Variants in TXNDC12 observed in about 807,000 individuals in gnomAD.
The protein encoded by TXNDC12 is thioredoxin domain containing 12, also known as thioredoxin domain-containing protein 12.
TXNDC12 carries 22 observed loss-of-function variants against 24.2 expected under a neutral mutation model. The ratio of observed to expected loss-of-function variants is 0.91; its 90% CI spans 0.65 to 1.30. The LOEUF (loss-of-function observed/expected upper bound fraction) is 1.30, where lower values mean the gene tolerates loss of function less well. TXNDC12 is among the 50% of genes most tolerant of loss of function. The probability of loss-of-function intolerance (pLI) is 0.00; values close to 1 mark genes in which losing one functional copy is unlikely to be tolerated. For synonymous variants in TXNDC12, 58 were observed against 73.4 expected (o/e 0.79, Z 1.07); for missense variants, 184 against 205.8 (o/e 0.89, Z 0.65).
At chr1:52,034,139 C>T (rs1685839357) in intron 2 of TXNDC12, 1 of 986,398 alleles carries the variant, frequency 1.0e-6, no homozygotes, top group Non-Finnish European at 1.3e-6. Context: ...TTCATTCCTC[C>T]TCTTAAACCT....
At chr1:52,033,841 A>G in intron 2 of TXNDC12, 1 of 1,462,874 alleles carries the variant, frequency 6.8e-7, no homozygotes, top group Non-Finnish European at 9.0e-7. Flanking sequence ...CCGGAAGTGC[A>G]AACTGCTCTT....
At chr1:52,049,838 T>C (rs1398443914) in intron 1 of TXNDC12, among the ~76,000 whole-genome samples, 2 of 152,168 alleles carry the variant, frequency 1.3e-5, no homozygotes, top group African/African-American at 4.8e-5. Context: ...GCACCCAGCC[T>C]AAGTGCTTAT....
At chr1:52,042,618 G>A (rs933745350) in intron 1 of TXNDC12, among the ~76,000 whole-genome samples, 5 of 151,834 alleles carry the variant, frequency 3.3e-5, no homozygotes, top group Admixed American at 6.6e-5. Flanking sequence ...CTGCCACCAC[G>A]ACTGGCTAAT....
chr1:52,052,680 T>C (rs1302441578), intron 1 of TXNDC12: 1 of 152,956 alleles, frequency 6.5e-6, no homozygotes, highest in Non-Finnish European at 1.5e-5. Context: ...AAATGATTTC[T>C]TCATGCCCAC....
intron 6 of TXNDC12, 76 bp downstream of exon 6, chr1:52,023,415 C>T (rs1233004452): frequency 2.6e-5 from 31 of 1,201,770 alleles, no homozygotes; most frequent in Non-Finnish European, 3.4e-5. Context: ...AATTTACTTT[C>T]CTATCACAGA....
chr1:52,034,752 CTTTAT>C (rs1020093136), intron 2 of TXNDC12, among the ~76,000 whole-genome samples: 22 of 151,450 alleles, frequency 1.5e-4, no homozygotes, highest in African/African-American at 5.3e-4. Context: ...GGCCTGCATC[CTTTAT>C]TTTATTTTAT....
chr1:52,023,601 T>A (rs1051964740), intron 5 of TXNDC12, 27 bp from the exon 6 acceptor site: 1 of 1,567,492 alleles, frequency 6.4e-7, no homozygotes, highest in African/African-American at 1.3e-5. Flanking sequence ...GACACAGAGT[T>A]TTGCAGTAAT....
At chr1:52,053,820 C>A (rs371715642) in intron 1 of TXNDC12, among the ~76,000 whole-genome samples, 63 of 152,294 alleles carry the variant, frequency 4.1e-4, no homozygotes, top group African/African-American at 1.4e-3. Flanking sequence ...TTCTCCTGAC[C>A]TTCATAATTC....
chr1:52,054,823 C>T (rs565567803), intron 1 of TXNDC12, among the ~76,000 whole-genome samples, 177 bp downstream of exon 1: 94 of 152,294 alleles, frequency 6.2e-4, no homozygotes, highest in African/African-American at 2.1e-3. Context: ...TTCCCCAGAC[C>T]CGCTACTCTC....
intron 2 of TXNDC12, chr1:52,030,320 A>T (rs912235234): frequency 3.3e-5 from 5 of 151,604 alleles, no homozygotes; most frequent in Non-Finnish European, 4.4e-5. Context: ...ATAAATAAAT[A>T]AAAAAAAATA....
chr1:52,026,637 CG>C (rs1460361425), intron 4 of TXNDC12, among the ~76,000 whole-genome samples: 2 of 152,154 alleles, frequency 1.3e-5, no homozygotes, highest in Non-Finnish European at 2.9e-5. Flanking sequence ...TGCTGGCTCA[CG>C]CCTGTAATCC....
chr1:52,055,859 G>A (rs1686334145), upstream of TXNDC12: 1 of 152,208 alleles, frequency 6.6e-6, no homozygotes, highest in South Asian at 2.1e-4. Flanking sequence ...ATAAGTCACT[G>A]CAGGCTAAAG....
intron 1 of TXNDC12, among the ~76,000 whole-genome samples, chr1:52,049,013 T>TA (rs1310666253): frequency 6.6e-6 from 1 of 152,120 alleles, no homozygotes; most frequent in Admixed American, 6.6e-5. Flanking sequence ...AGCTGTTCAA[T>TA]ATGGTAGTCA....
chr1:52,035,969 G>A (rs1685876639), intron 2 of TXNDC12, among the ~76,000 whole-genome samples: 1 of 152,138 alleles, frequency 6.6e-6, no homozygotes, highest in Non-Finnish European at 1.5e-5. Flanking sequence ...AAAAAACGGT[G>A]CCTTACTTTT....
Position 52,055,009 on chromosome 1 carries a change from G to T in TXNDC12, c.88C>A (p.Leu30Ile). ...LVISSDGHNG[L>I]GKGFGDHIHW... ...AAGAACGCGGTCTGACCCTTTCCAA[G>T]CCCATTATGTCCATCAGAAGAGATG... The change falls in exon 1 of 7, where the codon CTT (leucine) becomes ATT (isoleucine). Residue 30 changes from leucine (L) to isoleucine (I), a missense_variant. By Grantham distance (5) the Leu-to-Ile change is conservative. Transcript: ENST00000371626. 6.2e-7 allele frequency: 1 copy of T among 1,613,388 alleles called. No homozygotes were observed. Among genetic ancestry groups the T allele is most frequent in the Middle Eastern group, 1.6e-4 (1 of 6,062 alleles).
At chr1:52,027,372 T>G in intron 3 of TXNDC12, 24 bp from the exon 4 acceptor site, 1 of 1,563,228 alleles carries the variant, frequency 6.4e-7, no homozygotes, top group East Asian at 2.2e-5. Flanking sequence ...GATTTTGGAA[T>G]AGAAGAAAAA....
intron 2 of TXNDC12, chr1:52,033,476 G>T (rs201065316): frequency 6.2e-7 from 1 of 1,613,568 alleles, no homozygotes; most frequent in East Asian, 2.2e-5. Context: ...CGCGCCGCCC[G>T]TGCCAGGCAG....
chr1:52,041,616 A>G lies in TXNDC12; in HGVS notation c.98-19T>C, dbSNP rs772432363. ...CCAAAACCTGGAAGGAAAGAACTTT[A>G]TAAGCATTCACATAATGAACAAAGG... is the stretch of plus-strand genomic sequence containing the variant. On this transcript the variant is annotated intron_variant, in intron 1 of 6. Coordinates refer to ENST00000371626, the MANE Select transcript of TXNDC12 (RefSeq NM_015913.4). The G allele has an allele frequency of 1.9e-6, 3 of 1,570,782 alleles. No homozygotes were observed. Among genetic ancestry groups the G allele is most frequent in the African/African-American group, 1.4e-5 (1 of 74,016 alleles).
chr1:52,048,102 G>A (rs750466681), intron 1 of TXNDC12, among the ~76,000 whole-genome samples: 29 of 152,146 alleles, frequency 1.9e-4, no homozygotes, highest in Non-Finnish European at 3.4e-4. Context: ...GACTAAACTT[G>A]CCAATTAAAG....
Sources: allele counts gnomAD v4.1 joint callset (sites outside exome capture counted in the v4.1 genomes callset), GRCh38; gene constraint gnomAD v4.1.1; transcripts MANE v1.5; gene names NCBI Gene and HGNC (gene_info 2026-07-23, HGNC 2026-07-21).